OSBPL10: variants seen among roughly 807,000 people sequenced by gnomAD.
OSBPL10 encodes the protein oxysterol binding protein like 10, also known as oxysterol-binding protein-related protein 10.
A neutral mutation model predicts 81.7 loss-of-function variants in OSBPL10; 49 were observed. That is an observed-to-expected ratio of 0.60 (90% confidence interval 0.48 to 0.76). The LOEUF (loss-of-function observed/expected upper bound fraction) is 0.76, where lower values mean the gene tolerates loss of function less well. OSBPL10 is among the 30% of genes least tolerant of loss of function. The probability of loss-of-function intolerance (pLI) is 0.00; values close to 1 mark genes in which losing one functional copy is unlikely to be tolerated. For synonymous variants in OSBPL10, 419 were observed against 383.6 expected, an observed-to-expected ratio of 1.09 and a Z score of -1.08; for missense variants, 923 against 987.8, an observed-to-expected ratio of 0.93 and a Z score of 0.88.
chr3:31,997,338 C>T (rs1559546399), intron 2 of OSBPL10, among the ~76,000 whole-genome samples: 1 of 151,518 alleles, frequency 6.6e-6, no homozygotes, highest in Middle Eastern at 3.2e-3. Context: ...GATTTCGGCT[C>T]ACTGCAACCT....
At chr3:31,958,165 G>A (rs1255491691) in intron 1 of OSBPL10, among the ~76,000 whole-genome samples, 4 of 152,298 alleles carry the variant, frequency 2.6e-5, no homozygotes, top group East Asian at 3.9e-4. Flanking sequence ...GAGCTAAAGC[G>A]TGACTTTGCC....
intron 1 of OSBPL10, among the ~76,000 whole-genome samples, chr3:32,050,683 T>G (rs1396288664): frequency 1.4e-5 from 2 of 146,946 alleles, no homozygotes; most frequent in African/African-American, 5.0e-5. Context: ...TTTTTTGAGA[T>G]GAAGTTTCGC....
At chr3:31,699,034 G>A (rs1306931385) in intron 7 of OSBPL10, among the ~76,000 whole-genome samples, 1 of 152,178 alleles carries the variant, frequency 6.6e-6, no homozygotes, top group Non-Finnish European at 1.5e-5. Context: ...CATGTGCAGT[G>A]CTCAACAAAT....
intron 1 of OSBPL10, among the ~76,000 whole-genome samples, chr3:31,972,779 A>G (rs1043657042): frequency 1.1e-4 from 17 of 152,280 alleles, no homozygotes; most frequent in Admixed American, 9.2e-4. Flanking sequence ...AACTCTTTGT[A>G]TTTTCATCAA....
chr3:31,755,091 C>T (rs1406042833), intron 4 of OSBPL10, among the ~76,000 whole-genome samples: 1 of 152,098 alleles, frequency 6.6e-6, no homozygotes, highest in East Asian at 1.9e-4. Flanking sequence ...GGAGCCTCTA[C>T]TGGTCCCTGT....
chr3:32,033,735 T>C (rs1262071462), intron 2 of OSBPL10, among the ~76,000 whole-genome samples: 1 of 152,186 alleles, frequency 6.6e-6, no homozygotes, highest in African/African-American at 2.4e-5. Context: ...TTCTTATTCT[T>C]TAGTGTAAAG....
At chr3:31,775,238 C>T (rs1698518705) in intron 4 of OSBPL10, among the ~76,000 whole-genome samples, 1 of 151,906 alleles carries the variant, frequency 6.6e-6, no homozygotes, top group African/African-American at 2.4e-5. Flanking sequence ...AGAGTTTGCC[C>T]CGTGAGTACA....
chr3:31,711,680 G>A (rs1471106665), intron 6 of OSBPL10, among the ~76,000 whole-genome samples: 2 of 152,186 alleles, frequency 1.3e-5, no homozygotes, highest in Admixed American at 6.5e-5. Flanking sequence ...ATTAGTGGTT[G>A]CCAGAGGCTG....
chr3:31,811,325 A>G (rs1699673220), intron 4 of OSBPL10, among the ~76,000 whole-genome samples: 1 of 152,116 alleles, frequency 6.6e-6, no homozygotes, highest in African/African-American at 2.4e-5. Flanking sequence ...GGAAGCCTCC[A>G]CCCGGAGAGG....
chr3:32,002,539 C>T (rs1479625697), intron 2 of OSBPL10, among the ~76,000 whole-genome samples: 1 of 152,168 alleles, frequency 6.6e-6, no homozygotes, highest in Non-Finnish European at 1.5e-5. Context: ...TTATCCATAG[C>T]TGTGGAATAC....
intron 3 of OSBPL10, among the ~76,000 whole-genome samples, chr3:31,872,433 G>A (rs1054808326): frequency 1.3e-5 from 2 of 149,654 alleles, no homozygotes; most frequent in East Asian, 1.9e-4. Flanking sequence ...AAGCCAATAC[G>A]TGTTTTGTTT....
At chr3:31,871,249 C>T (rs1234108891) in intron 3 of OSBPL10, among the ~76,000 whole-genome samples, 3 of 152,184 alleles carry the variant, frequency 2.0e-5, no homozygotes, top group Admixed American at 6.5e-5. Flanking sequence ...CAGCTTCACT[C>T]CTGAAGCCAG....
intron 1 of OSBPL10, among the ~76,000 whole-genome samples, chr3:31,946,998 C>T (rs542698847): frequency 8.6e-5 from 13 of 151,974 alleles, no homozygotes; most frequent in Non-Finnish European, 1.8e-4. Flanking sequence ...TAGATACTGA[C>T]AAATGAGACG....
intron 1 of OSBPL10, among the ~76,000 whole-genome samples, chr3:31,978,592 C>G (rs1698746154): frequency 6.6e-6 from 1 of 152,118 alleles, no homozygotes; most frequent in Admixed American, 6.5e-5. Context: ...GTTCAAAGAA[C>G]AAAATGTGGG....
intron 1 of OSBPL10, among the ~76,000 whole-genome samples, chr3:31,882,819 G>A (rs1157490206): frequency 1.3e-5 from 2 of 152,160 alleles, no homozygotes; most frequent in Non-Finnish European, 2.9e-5. Flanking sequence ...ACTTTAACTA[G>A]GCCACGGGGA....
In OSBPL10 at chr3:31,702,414, C is replaced by T. The variant is rs369118257; in HGVS notation, c.1190G>A (p.Arg397His). ...ETELGVMEDQ[R>H]SIILHLISQL... ...TGAAATGAGATGAAGAATTATACTA[C>T]GCTGATCCTCCATGACGCCCAATTC... Residue 397 changes from arginine to histidine, a missense_variant, in exon 7 of 12, where the codon CGT becomes CAT. Coordinates refer to ENST00000396556, the MANE Select transcript of OSBPL10 (RefSeq NM_017784.5). The T allele has an allele frequency of 8.4e-5, 135 of 1,614,090 alleles. No homozygotes were observed. Among genetic ancestry groups the T allele is most frequent in the Non-Finnish European group, 9.8e-5 (116 of 1,180,046 alleles).
chr3:31,867,746 AAAGGAAGGGAGG>A (rs1442968538), intron 3 of OSBPL10, among the ~76,000 whole-genome samples: 7 of 142,022 alleles, frequency 4.9e-5, no homozygotes, highest in African/African-American at 7.8e-5. Context: ...GAAGAAAGAG[AAAGGAAGGGAGG>A]AAGGAAGGGA....
intron 6 of OSBPL10, 63 bp from the exon 7 acceptor site, chr3:31,702,571 T>C (rs2125593403): frequency 3.1e-6 from 5 of 1,595,962 alleles, no homozygotes; most frequent in Non-Finnish European, 3.4e-6. Flanking sequence ...ATAAAGTGTA[T>C]GAATTCACAT....
Position 31,760,975 on chromosome 3 carries a change from T to G in OSBPL10, c.730-12855A>C, listed in dbSNP as rs568559906. On this transcript the variant is annotated intron_variant, in intron 4 of 11. Transcript: ENST00000396556. ...CTTCTAGAAGAGGAACTGCTAAGTT[T>G]TTTTTTTTTATAAATACTGCCAGCT... is the stretch of plus-strand genomic sequence containing the variant. Among the ~76,000 whole-genome samples, 14 of 152,140 alleles carry G rather than the reference T, an allele frequency of 9.2e-5. No individual in the cohort carries two copies. The East Asian group carries it at 1.3e-3, about 15-fold the overall frequency.
Sources: allele counts gnomAD v4.1 joint callset (sites outside exome capture counted in the v4.1 genomes callset), GRCh38; gene constraint gnomAD v4.1.1; transcripts MANE v1.5; gene names NCBI Gene and HGNC (gene_info 2026-07-23, HGNC 2026-07-21).